Variants in MYMK observed in about 807,000 individuals in gnomAD.
MYMK encodes the protein protein myomaker.
A neutral mutation model predicts 22.4 loss-of-function variants in MYMK; 16 were observed. The ratio of observed to expected loss-of-function variants is 0.72; its 90% CI spans 0.48 to 1.09. The LOEUF is 1.09. Among genes scored for constraint, MYMK ranks in the 50% least tolerant of loss-of-function variants. The probability of loss-of-function intolerance (pLI) is 0.00; values close to 1 mark genes in which losing one functional copy is unlikely to be tolerated. For synonymous variants in MYMK, 125 were observed against 127.0 expected, an observed-to-expected ratio of 0.98 and a Z score of 0.11; for missense variants, 250 against 295.6, an observed-to-expected ratio of 0.85 and a Z score of 1.13.
Position 133,515,714 on chromosome 9 carries a change from C to T in MYMK, c.400-107G>A. The T allele has an allele frequency of 2.8e-6, 2 of 715,308 alleles. No individual in the cohort carries two copies. The highest frequency in any genetic ancestry group is 2.4e-6 in the Non-Finnish European group (1 of 411,830). 44.3% of individuals were successfully genotyped at this position (715,308 alleles called of 1,614,324 possible). A position where few individuals can be genotyped will look rare whatever the true frequency, so the allele number is the denominator to read the frequency against. ...CCCTGCACAGGCTCACCCCAGCCCT[C>T]TCCCGGCAGGAGAGGAGGCTCAGGA... On this transcript the variant is annotated intron_variant, in intron 3 of 4. Transcript: ENST00000339996. The surrounding 1 kb of genome is among the most constrained non-coding windows in gnomAD (Gnocchi z 5.8).
In MYMK at chr9:133,518,623, G is replaced by A. The variant is rs1349500334; in HGVS notation, c.399+251C>T. On this transcript the variant is annotated intron_variant, in intron 3 of 4. Coordinates refer to ENST00000339996, the MANE Select transcript of MYMK (RefSeq NM_001080483.3). ...ATGACAACACCTGCTTTACAGGTAC[G>A]GGCGTGGAGGTGAGACATTGGGTAA... is the stretch of plus-strand genomic sequence containing the variant. 4.6e-5 allele frequency among the ~76,000 whole-genome samples: 7 copies of A among 152,216 alleles called. No individual in the cohort carries two copies. The East Asian group carries it at 9.6e-4, about 21-fold the overall frequency.
chr9:133,514,905 G>A (rs1844611697), intron 4 of MYMK, 120 bp from the exon 5 acceptor site: 2 of 1,145,322 alleles, frequency 1.7e-6, no homozygotes, highest in African/African-American at 1.6e-5. Context: ...GACACCTGCA[G>A]GAAGCCTCCC....
chr9:133,515,576 T>A lies in MYMK; in HGVS notation c.431A>T (p.Tyr144Phe). Residue 144 changes from tyrosine to phenylalanine, a missense_variant, in exon 4 of 5, where the codon TAC becomes TTC. Tyr to Phe is a conservative substitution (Grantham distance 22). Coordinates refer to ENST00000339996, the MANE Select transcript of MYMK (RefSeq NM_001080483.3). The surrounding 1 kb of genome is among the most constrained non-coding windows in gnomAD (Gnocchi z 5.8). ...LQKMKEKKGL[Y>F]PDKSVYTQQI... The stretch of plus-strand genomic sequence containing the variant: ...CTGGGTGTAGACGCTCTTGTCTGGG[T>A]ACAGGCCCTTCTTCTCCTTCATCTT... 3 of 1,613,872 alleles carry A rather than the reference T, an allele frequency of 1.9e-6. No homozygotes were observed. The highest frequency in any genetic ancestry group is 2.5e-6 in the Non-Finnish European group (3 of 1,179,778).
intron 3 of MYMK, among the ~76,000 whole-genome samples, chr9:133,516,401 G>A (rs1181831502): frequency 6.6e-6 from 1 of 152,168 alleles, no homozygotes; most frequent in Non-Finnish European, 1.5e-5. Flanking sequence ...TGGCGGCCTC[G>A]GAGTGGGGCC....
rs540720733 is a variant in MYMK, at chr9:133,518,884, G to A, written c.389C>T (p.Ala130Val). 25 of 1,612,616 alleles carry A rather than the reference G, an allele frequency of 1.6e-5. No homozygotes were observed. In the South Asian group the frequency reaches 1.8e-4, roughly 11 times the overall value. ...TCGCGCAGTACGCACCCACTTTGCC[G>A]CGATGATGAGGATGGCTGTGCCGAT... ...GPIGTAILII[A>V]AKWLQKMKEK... is the part of the protein sequence containing the mutation. The change falls in exon 3 of 5, where the codon GCG becomes GTG. Residue 130 changes from alanine (A) to valine (V), a missense_variant. Transcript: ENST00000339996.
At chr9:133,518,774 G>C in intron 3 of MYMK, 100 bp downstream of exon 3, 1 of 1,469,960 alleles carries the variant, frequency 6.8e-7, no homozygotes, top group Non-Finnish European at 9.2e-7. Flanking sequence ...TTGCCTATGA[G>C]GGCAGGAGGT....
intron 4 of MYMK, 68 bp from the exon 5 acceptor site, chr9:133,514,853 C>G: frequency 6.6e-7 from 1 of 1,522,942 alleles, no homozygotes; most frequent in Non-Finnish European, 8.9e-7. Context: ...CTCCAAGACC[C>G]AGCAGAGCCC....
At chr9:133,519,973 C>T (rs1588266029) in intron 2 of MYMK, among the ~76,000 whole-genome samples, 1 of 152,202 alleles carries the variant, frequency 6.6e-6, no homozygotes, top group Admixed American at 6.5e-5. Context: ...TATAAAAAAT[C>T]GGCATCAGGG....
intron 3 of MYMK, among the ~76,000 whole-genome samples, chr9:133,517,779 C>A (rs1179378975): frequency 6.6e-6 from 1 of 152,120 alleles, no homozygotes; most frequent in African/African-American, 2.4e-5. Context: ...AATGGCAAAT[C>A]AGTCCCATGC....
intron 2 of MYMK, among the ~76,000 whole-genome samples, chr9:133,519,597 G>A (rs993109680): frequency 2.6e-5 from 4 of 152,158 alleles, no homozygotes; most frequent in African/African-American, 4.8e-5. Context: ...GAATAGGATC[G>A]AATCTATCCC....
Position 133,520,262 on chromosome 9 carries a change from G to A in MYMK, c.162C>T (p.Gly54=), listed in dbSNP as rs1258155832. The A allele has an allele frequency of 6.2e-7, 1 of 1,614,066 alleles. No homozygotes were observed. Among genetic ancestry groups the A allele is most frequent in the Non-Finnish European group, 8.5e-7 (1 of 1,180,046 alleles). The change falls in exon 2 of 5, where the codon GGC becomes GGT. Residue 54 remains glycine (G), a synonymous_variant. Transcript: ENST00000339996. Reference sequence around the variant, plus strand: ...GACGCATGAAGCACAGCACAGACAAGCCGGGTCCATTGCAGGCATGGTGGA... The same window carrying A: ...GACGCATGAAGCACAGCACAGACAAACCGGGTCCATTGCAGGCATGGTGGA... ...VALHHACNGP[G]LSVLCFMRHD... is the part of the protein sequence containing the mutation.
rs144435520 is a variant in MYMK at position 133,518,881 on chromosome 9, G to C, written c.392C>G (p.Ala131Gly). Residue 131 changes from alanine to glycine, a missense_variant, in exon 3 of 5, where the codon GCA becomes GGA. Physicochemically the swap from Ala to Gly is moderately conservative, Grantham distance 60. Transcript: ENST00000339996. ...GGCTCGCGCAGTACGCACCCACTTTGCCGCGATGATGAGGATGGCTGTGCC... is the reference window on the plus strand; with the variant it reads ...GGCTCGCGCAGTACGCACCCACTTTCCCGCGATGATGAGGATGGCTGTGCC... ...PIGTAILIIA[A>G]KWLQKMKEKK... is the part of the protein sequence containing the mutation. The C allele has an allele frequency of 1.2e-6, 2 of 1,612,394 alleles. No homozygotes were observed. Among genetic ancestry groups the C allele is most frequent in the African/African-American group, 2.7e-5 (2 of 74,898 alleles).
chr9:133,517,962 T>C lies in MYMK; in HGVS notation c.399+912A>G, dbSNP rs75202404. Among the ~76,000 whole-genome samples, 470 of 152,298 alleles carry C rather than the reference T, an allele frequency of 3.1e-3. 1 individual carries two copies. Among genetic ancestry groups the C allele is most frequent in the African/African-American group, 0.011 (460 of 41,570 alleles). On this transcript the variant is annotated intron_variant, in intron 3 of 4. Transcript: ENST00000339996. ...GGCTGGGCTGGACCAGGCCAGGTCCTCTCTTGGCACTTGAAACTGACCCTG... is the reference window on the plus strand; with the variant it reads ...GGCTGGGCTGGACCAGGCCAGGTCCCCTCTTGGCACTTGAAACTGACCCTG...
At chr9:133,521,044 C>A (rs1328918028) in intron 1 of MYMK, among the ~76,000 whole-genome samples, 1 of 152,136 alleles carries the variant, frequency 6.6e-6, no homozygotes, top group African/African-American at 2.4e-5. Flanking sequence ...GGACGAAGAT[C>A]TCTGAGACCC....
Position 133,515,579 on chromosome 9 carries a change from A to C in MYMK, c.428T>G (p.Leu143Arg). Residue 143 changes from leucine to arginine, a missense_variant, in exon 4 of 5, where the codon CTG becomes CGG. Physicochemically the swap from Leu to Arg is moderately radical, Grantham distance 102. Transcript: ENST00000339996. The surrounding 1 kb of genome is among the most constrained non-coding windows in gnomAD (Gnocchi z 5.8). ...GGTGTAGACGCTCTTGTCTGGGTAC[A>C]GGCCCTTCTTCTCCTTCATCTTCTG... ...WLQKMKEKKG[L>R]YPDKSVYTQQ... 6.2e-7 allele frequency: 1 copy of C among 1,613,840 alleles called. No individual in the cohort carries two copies. The highest frequency in any genetic ancestry group is 8.5e-7 in the Non-Finnish European group (1 of 1,179,718).
chr9:133,520,133 T>C (rs754301138), intron 2 of MYMK, 41 bp downstream of exon 2: 20 of 1,537,136 alleles, frequency 1.3e-5, no homozygotes, highest in Non-Finnish European at 1.8e-5. Context: ...GGGGAGCCGG[T>C]CCTTGTCCGC....
chr9:133,520,115 C>T (rs566465211), intron 2 of MYMK, 59 bp downstream of exon 2: 53 of 1,379,776 alleles, frequency 3.8e-5, no homozygotes, highest in African/African-American at 3.7e-4. Context: ...GCTGGGTGTG[C>T]GGACACTGGG....
chr9:133,519,993 G>T (rs550241877), intron 2 of MYMK, among the ~76,000 whole-genome samples, 181 bp downstream of exon 2: 3 of 152,298 alleles, frequency 2.0e-5, no homozygotes, highest in African/African-American at 7.2e-5. Context: ...GCATTTAAGA[G>T]GTGCATATTC....
At chr9:133,519,789 C>A (rs928885085) in intron 2 of MYMK, among the ~76,000 whole-genome samples, 1 of 152,052 alleles carries the variant, frequency 6.6e-6, no homozygotes, top group African/African-American at 2.4e-5. Flanking sequence ...GGATATCACC[C>A]GTGTGTGTGG....
Sources: gnomAD v4.1 joint callset for allele counts (sites outside exome capture counted in the v4.1 genomes callset) on GRCh38, gnomAD v4.1.1 for gene constraint, Gnocchi (gnomAD v3.1) non-coding constraint, MANE v1.5 for transcripts, NCBI Gene and HGNC (gene_info 2026-07-23, HGNC 2026-07-21) for gene names.